The following MTHFSD variants were observed in gnomAD, a reference collection of about 807,000 sequenced individuals.
MTHFSD encodes methenyltetrahydrofolate synthetase domain containing.
Under a neutral mutation model 31.1 loss-of-function variants are expected in MTHFSD, and 37 were observed. The ratio of observed to expected loss-of-function variants is 1.19; its 90% CI spans 0.91 to 1.56. The LOEUF is 1.56. Ranked by LOEUF, MTHFSD falls within the 40% of genes most tolerant of loss-of-function variation. MTHFSD has a pLI of 0.00. For synonymous variants in MTHFSD, 221 were observed against 206.9 expected, an observed-to-expected ratio of 1.07 and a Z score of -0.59; for missense variants, 664 against 510.1, an observed-to-expected ratio of 1.30 and a Z score of -2.91.
Position 86,552,023 on chromosome 16 carries a change from G to T in MTHFSD, c.237+10C>A. On this transcript the variant is annotated intron_variant, in intron 3 of 7. Coordinates refer to ENST00000360900, the MANE Select transcript of MTHFSD (RefSeq NM_001159377.2). ...CCAGGTCTCGGCTCGGCTCAGGGAA[G>T]TGGAATTACCTGCAGCACCAGCAGC... 1 of 1,614,160 alleles carries T rather than the reference G, an allele frequency of 6.2e-7. No individual in the cohort carries two copies. The highest frequency in any genetic ancestry group is 8.5e-7 in the Non-Finnish European group (1 of 1,180,026).
At chr16:86,548,383 C>T in intron 4 of MTHFSD, 81 bp downstream of exon 4, 1 of 1,118,438 alleles carries the variant, frequency 8.9e-7, no homozygotes, top group Non-Finnish European at 1.3e-6. Context: ...CAACTGTGTG[C>T]TGCTATCTTA....
At chr16:86,545,719 G>A (rs765257607) in intron 5 of MTHFSD, among the ~76,000 whole-genome samples, 25 of 152,234 alleles carry the variant, frequency 1.6e-4, no homozygotes, top group Admixed American at 2.6e-4. Context: ...AGCACGTCAC[G>A]TCCTGTCCTG....
chr16:86,549,905 G>A (rs116327837), intron 3 of MTHFSD, among the ~76,000 whole-genome samples: 1,562 of 151,762 alleles, frequency 0.01, 23 homozygotes, highest in African/African-American at 0.036. Context: ...GCATGCCCCC[G>A]GCACTGCGGA....
chr16:86,551,872 T>C, intron 3 of MTHFSD, 161 bp downstream of exon 3: 1 of 1,354,934 alleles, frequency 7.4e-7, no homozygotes. Context: ...GCTTCTGAAC[T>C]ATTCTTGGAA....
At chr16:86,541,939 G>C in intron 6 of MTHFSD, 117 bp from the exon 7 acceptor site, 5 of 1,444,214 alleles carry the variant, frequency 3.5e-6, no homozygotes, top group South Asian at 1.3e-5. Context: ...ATCCACTCTG[G>C]GGCTAAGGCT....
intron 5 of MTHFSD, among the ~76,000 whole-genome samples, chr16:86,543,986 G>C (rs1305596022): frequency 6.6e-6 from 1 of 152,226 alleles, no homozygotes; most frequent in Middle Eastern, 3.2e-3. Flanking sequence ...AATGCCTGCT[G>C]ATCTGTCACT....
chr16:86,543,875 C>G (rs1023809333), intron 5 of MTHFSD, among the ~76,000 whole-genome samples: 2 of 152,162 alleles, frequency 1.3e-5, no homozygotes, highest in Admixed American at 1.3e-4. Flanking sequence ...AGCTCCGCCT[C>G]CTGTCCGATC....
At chr16:86,548,389 T>C (rs1972639345) in intron 4 of MTHFSD, 75 bp downstream of exon 4, 1 of 1,171,004 alleles carries the variant, frequency 8.5e-7, no homozygotes, top group Non-Finnish European at 1.3e-6. Context: ...TGTGCTGCTA[T>C]CTTATGCTAA....
At chr16:86,548,719 T>C (rs1972700562) in intron 3 of MTHFSD, 142 bp from the exon 4 acceptor site, 2 of 640,726 alleles carry the variant, frequency 3.1e-6, no homozygotes, top group East Asian at 6.1e-5. Context: ...AGGAAATTAC[T>C]TATTTGAAAA....
At chr16:86,543,001 C>A (rs1469622310) in intron 5 of MTHFSD, among the ~76,000 whole-genome samples, 1 of 152,178 alleles carries the variant, frequency 6.6e-6, no homozygotes, top group Non-Finnish European at 1.5e-5. Flanking sequence ...TCACTGCTGC[C>A]GTGTCTAAGA....
chr16:86,535,398 A>C (rs1487905350), intron 7 of MTHFSD: 56 of 985,266 alleles, frequency 5.7e-5, no homozygotes, highest in Non-Finnish European at 6.4e-5. Context: ...CACAGCTGAC[A>C]AGAAAGCCTC....
At position 86,546,552 on chromosome 16, in the gene MTHFSD, G is replaced by A; in HGVS notation, c.442+7C>T. ...CACACTCAAGGGTTCCCATCTGCTA[G>A]TCTTACCTTTTTCAGAAACGGCGAC... On this transcript the variant is annotated splice_region_variant and intron_variant, in intron 5 of 7. Transcript: ENST00000360900. 1.1e-5 allele frequency: 17 copies of A among 1,613,464 alleles called. No homozygotes were observed. Among genetic ancestry groups the A allele is most frequent in the Non-Finnish European group, 1.4e-5 (17 of 1,179,606 alleles).
intron 7 of MTHFSD, chr16:86,540,584 G>T: frequency 1.3e-6 from 1 of 790,004 alleles, no homozygotes; most frequent in Non-Finnish European, 1.5e-6. Flanking sequence ...TAATGCCCTT[G>T]TGCAACCTTC....
At position 86,541,891 on chromosome 16, in the gene MTHFSD, C is replaced by T. The variant is rs1260922843; in HGVS notation, c.556-69G>A. Reference sequence around the variant, plus strand: ...CTGCAGTCGTGCACACTGCCCCGCTCGGTGGGAACGTGAGGCTGGCTAGAG... The same window carrying T: ...CTGCAGTCGTGCACACTGCCCCGCTTGGTGGGAACGTGAGGCTGGCTAGAG... On this transcript the variant is annotated intron_variant, in intron 6 of 7. Transcript: ENST00000360900. The T allele has an allele frequency of 8.8e-6, 14 of 1,590,014 alleles. No homozygotes were observed. In the East Asian group the frequency reaches 1.8e-4, roughly 20 times the overall value.
Position 86,541,724 on chromosome 16 carries a change from T to C in MTHFSD, c.654A>G (p.Pro218=). 3.7e-6 allele frequency: 6 copies of C among 1,613,884 alleles called. No individual in the cohort carries two copies. The highest frequency in any genetic ancestry group is 5.1e-6 in the Non-Finnish European group (6 of 1,179,936). ...TRVIATGCKR[P]KPMGITWFKI... ...TGAACCAGGTGATTCCCATTGGCTT[T>C]GGGCGCTTGCAGCCTGTGGCGATGA... The change falls in exon 7 of 8, where the codon CCA becomes CCG. Residue 218 remains proline, a synonymous_variant. Transcript: ENST00000360900.
In MTHFSD at chr16:86,542,203, G is replaced by C. The variant is rs759927014; in HGVS notation, c.453C>G (p.Ile151Met). 6.2e-7 allele frequency: 1 copy of C among 1,613,326 alleles called. No individual in the cohort carries two copies. Among genetic ancestry groups the C allele is most frequent in the South Asian group, 1.1e-5 (1 of 91,060 alleles). Residue 151 changes from isoleucine to methionine, a missense_variant, in exon 6 of 8, where the codon ATC becomes ATG. Physicochemically the swap from Ile to Met is conservative, Grantham distance 10. Transcript: ENST00000360900. This position sits in a 1 kb window ranked among gnomAD's most constrained non-coding sequence, Gnocchi z 4.6. ...GATCGGCGTAGCCTTCTCCCTTCCC[G>C]ATTCTCCAGCCTAAGAGACAACCGA... ...SVAVSEKGWR[I>M]GKGEGYADLE...
chr16:86,548,456 G>T lies in MTHFSD; in HGVS notation c.351+8C>A. ...TTCCTAGGTGGGGACATTGCTTCTG[G>T]TACTTACCTGAGAGGTGGCACATTT... On this transcript the variant is annotated splice_region_variant and intron_variant, in intron 4 of 7. Coordinates refer to ENST00000360900, the MANE Select transcript of MTHFSD (RefSeq NM_001159377.2). 1.2e-6 allele frequency: 2 copies of T among 1,608,568 alleles called. No homozygotes were observed. The highest frequency in any genetic ancestry group is 1.7e-6 in the Non-Finnish European group (2 of 1,175,250).
chr16:86,547,672 T>A, intron 4 of MTHFSD: 2 of 475,916 alleles, frequency 4.2e-6, no homozygotes, highest in Non-Finnish European at 5.5e-6. Flanking sequence ...TCTCTCTATA[T>A]ATATATTTTT....
At chr16:86,548,780 A>G (rs1972709906) in intron 3 of MTHFSD, among the ~76,000 whole-genome samples, 1 of 152,142 alleles carries the variant, frequency 6.6e-6, no homozygotes, top group Non-Finnish European at 1.5e-5. Context: ...ACCACTCGGC[A>G]CCTCCTTACC....
Sources: allele counts gnomAD v4.1 joint callset (sites outside exome capture counted in the v4.1 genomes callset), GRCh38; gene constraint gnomAD v4.1.1; non-coding constraint Gnocchi (gnomAD v3.1); transcripts MANE v1.5; gene names NCBI Gene and HGNC (gene_info 2026-07-23, HGNC 2026-07-21).